TMEM217B: variants seen among roughly 807,000 people sequenced by gnomAD.
TMEM217B encodes putative transmembrane protein 217B.
chr6:37,242,338 C>T, the TMEM217B span, among the ~76,000 whole-genome samples: 1 of 152,212 alleles, frequency 6.6e-6, no homozygotes, highest in East Asian at 1.9e-4. Context: ...AAGGAAATTC[C>T]ACATGCTGTA....
the TMEM217B span, among the ~76,000 whole-genome samples, chr6:37,228,332 T>C: frequency 6.6e-6 from 1 of 152,226 alleles, no homozygotes; most frequent in Non-Finnish European, 1.5e-5. Flanking sequence ...CAAATTTCCT[T>C]AATAGGTTGT....
At chr6:37,229,656 G>A in the TMEM217B span, among the ~76,000 whole-genome samples, 2 of 152,106 alleles carry the variant, frequency 1.3e-5, no homozygotes, top group African/African-American at 4.8e-5. Flanking sequence ...GCAACTTTCA[G>A]TTTTACTAGT....
At chr6:37,245,823 G>T in the TMEM217B span, among the ~76,000 whole-genome samples, 135 of 151,308 alleles carry the variant, frequency 8.9e-4, no homozygotes, top group African/African-American at 2.7e-3. Context: ...TTTTGAGAGG[G>T]AGTTTTGCTC....
At chr6:37,229,483 C>T in the TMEM217B span, among the ~76,000 whole-genome samples, 1 of 151,762 alleles carries the variant, frequency 6.6e-6, no homozygotes, top group Non-Finnish European at 1.5e-5. Context: ...GCTGGGACTA[C>T]AGGCGCCCGC....
chr6:37,218,202 C>A, the TMEM217B span: 13 of 1,210,046 alleles, frequency 1.1e-5, no homozygotes, highest in Non-Finnish European at 1.0e-5. Flanking sequence ...CAGAGTCTTA[C>A]TCTGTCACTC....
At chr6:37,222,581 AG>A in the TMEM217B span, among the ~76,000 whole-genome samples, 4 of 152,184 alleles carry the variant, frequency 2.6e-5, no homozygotes, top group Non-Finnish European at 5.9e-5. Flanking sequence ...TGGGAGGCCC[AG>A]GTCTGCAGCC....
chr6:37,221,051 T>G, the TMEM217B span, among the ~76,000 whole-genome samples: 1 of 152,116 alleles, frequency 6.6e-6, no homozygotes, highest in South Asian at 2.1e-4. Context: ...CTCTAGAACT[T>G]TTTCATCTTG....
the TMEM217B span, chr6:37,212,297 C>A: frequency 1.3e-4 from 45 of 353,924 alleles, no homozygotes; most frequent in Non-Finnish European, 2.5e-4. Flanking sequence ...TTCCTCAGTG[C>A]GTAAAACTCA....
chr6:37,225,196 A>G, the TMEM217B span, among the ~76,000 whole-genome samples: 1 of 151,998 alleles, frequency 6.6e-6, no homozygotes, highest in Non-Finnish European at 1.5e-5. Context: ...CGAGACTCTG[A>G]CTAAAAAAAA....
the TMEM217B span, among the ~76,000 whole-genome samples, chr6:37,234,376 A>G: frequency 6.6e-5 from 10 of 152,244 alleles, no homozygotes; most frequent in Non-Finnish European, 1.0e-4. Context: ...CTGAAACTAC[A>G]GGCGTGAGCC....
the TMEM217B span, among the ~76,000 whole-genome samples, chr6:37,233,281 C>G: frequency 6.6e-6 from 1 of 152,314 alleles, no homozygotes; most frequent in South Asian, 2.1e-4. Flanking sequence ...TCCATCAACT[C>G]TCCTTCCCAC....
chr6:37,218,192 C>A, the TMEM217B span: 292 of 1,116,368 alleles, frequency 2.6e-4, 1 homozygote, highest in African/African-American at 3.9e-3. Flanking sequence ...TTTTGGGGGA[C>A]AGAGTCTTAC....
At chr6:37,220,698 T>C in the TMEM217B span, among the ~76,000 whole-genome samples, 4 of 152,194 alleles carry the variant, frequency 2.6e-5, no homozygotes, top group Non-Finnish European at 5.9e-5. Context: ...TGTACTTTTA[T>C]GCTGGTCTTC....
chr6:37,255,942 A>C, the TMEM217B span, among the ~76,000 whole-genome samples: 5 of 152,232 alleles, frequency 3.3e-5, no homozygotes, highest in African/African-American at 1.2e-4. Context: ...CTGTAGAAAT[A>C]ACAGGGCTTT....
the TMEM217B span, chr6:37,217,652 C>G: frequency 2.0e-6 from 2 of 985,228 alleles, no homozygotes; most frequent in South Asian, 4.7e-5. Context: ...TGAATTTTCT[C>G]TATTTTTATT....
chr6:37,256,603 A>C, the TMEM217B span, among the ~76,000 whole-genome samples: 5 of 152,218 alleles, frequency 3.3e-5, no homozygotes, highest in African/African-American at 1.2e-4. Flanking sequence ...TAGGGGACAA[A>C]AGAAGCTTGA....
chr6:37,231,476 C>T, the TMEM217B span, among the ~76,000 whole-genome samples: 1 of 149,912 alleles, frequency 6.7e-6, no homozygotes, highest in Non-Finnish European at 1.5e-5. Flanking sequence ...AGATGGAGAC[C>T]ATCCTGGCCA....
chr6:37,229,498 A>G, the TMEM217B span, among the ~76,000 whole-genome samples: 1 of 151,410 alleles, frequency 6.6e-6, no homozygotes, highest in East Asian at 1.9e-4. Context: ...GCCCGCCACC[A>G]CGCCCGGCTA....
the TMEM217B span, among the ~76,000 whole-genome samples, chr6:37,251,934 C>T: frequency 1.3e-5 from 2 of 152,110 alleles, no homozygotes; most frequent in Non-Finnish European, 1.5e-5. Flanking sequence ...ACTCTTGTTG[C>T]CCAGGCTGGA....
Sources: gnomAD v4.1 joint callset for allele counts (sites outside exome capture counted in the v4.1 genomes callset) on GRCh38, gnomAD v4.1.1 for gene constraint, MANE v1.5 for transcripts, NCBI Gene and HGNC (gene_info 2026-07-23, HGNC 2026-07-21) for gene names.